UCHL5: variants seen among roughly 807,000 people sequenced by gnomAD.
UCHL5 encodes the protein ubiquitin C-terminal hydrolase L5.
In UCHL5, 34 loss-of-function variants were observed where a neutral mutation model predicts 53.8. The ratio of observed to expected loss-of-function variants is 0.63; its 90% CI spans 0.48 to 0.84. The LOEUF is 0.84. Ranked by LOEUF, UCHL5 falls within the 40% of genes least tolerant of loss-of-function variation. UCHL5 has a pLI of 0.00. For synonymous variants in UCHL5, 111 were observed against 126.3 expected (o/e 0.88, Z 0.81); for missense variants, 290 against 385.6 (o/e 0.75, Z 2.08).
intron 7 of UCHL5, 141 bp downstream of exon 7, chr1:193,027,944 G>T: frequency 1.4e-6 from 2 of 1,481,432 alleles, no homozygotes; most frequent in South Asian, 1.3e-5. Context: ...GCAACATGGT[G>T]AAAACCCGTC....
chr1:193,046,004 C>T (rs568640954), intron 3 of UCHL5, among the ~76,000 whole-genome samples: 21 of 150,324 alleles, frequency 1.4e-4, no homozygotes, highest in Non-Finnish European at 2.8e-4. Flanking sequence ...TATATAAGCA[C>T]AAAAATATTA....
Position 193,023,848 on chromosome 1 carries a change from G to T in UCHL5, c.728C>A (p.Ala243Glu), listed in dbSNP as rs200881380. 7.4e-6 allele frequency: 12 copies of T among 1,610,792 alleles called. No homozygotes were observed. In the Admixed American group the frequency reaches 1.0e-4, roughly 14 times the overall value. ...CTTAGAAACATGGCCACGAACCTCT[G>T]CAAGTTGTCTTTGTAACTCTGCTAT... ...QKIAELQRQL[A>E]EEPMDTDQGN... The change falls in exon 8 of 11, where the codon GCA (alanine) becomes GAA (glutamate). Residue 243 changes from alanine (A) to glutamate (E), a missense_variant. Physicochemically the swap from Ala to Glu is moderately radical, Grantham distance 107. Coordinates refer to ENST00000367454, the MANE Select transcript of UCHL5 (RefSeq NM_001199261.3).
intron 1 of UCHL5, among the ~76,000 whole-genome samples, chr1:193,056,309 G>C (rs1414192631): frequency 1.3e-5 from 2 of 152,024 alleles, no homozygotes; most frequent in Non-Finnish European, 2.9e-5. Context: ...CCAAAAAACA[G>C]CTCTTAGTTT....
At chr1:193,059,608 C>T (rs1443519257), upstream of UCHL5, 3 of 1,437,982 alleles carry the variant, frequency 2.1e-6, no homozygotes, top group East Asian at 3.5e-5. The surrounding 1 kb of genome is among the most constrained non-coding windows in gnomAD (Gnocchi z 4.9). Context: ...AGAAGAGGGG[C>T]AGGACTCGTT....
At chr1:193,019,287 T>C (rs933363507) in intron 10 of UCHL5, among the ~76,000 whole-genome samples, 1 of 151,746 alleles carries the variant, frequency 6.6e-6, no homozygotes, top group Admixed American at 6.6e-5. Flanking sequence ...CTTTCCCAAA[T>C]TGTACCATGA....
chr1:193,016,474 G>GTATT, intron 10 of UCHL5, 79 bp from the exon 11 acceptor site: 2 of 1,312,626 alleles, frequency 1.5e-6, no homozygotes, highest in Non-Finnish European at 2.1e-6. Context: ...GCCTAAGAGG[G>GTATT]TATTCTCAAG....
At chr1:193,048,694 C>T (rs901121159) in intron 3 of UCHL5, among the ~76,000 whole-genome samples, 2 of 152,118 alleles carry the variant, frequency 1.3e-5, no homozygotes, top group Non-Finnish European at 2.9e-5. Flanking sequence ...GAAAACATTG[C>T]AACAGACTGA....
intron 7 of UCHL5, among the ~76,000 whole-genome samples, chr1:193,024,245 A>C (rs1658293704): frequency 6.7e-6 from 1 of 150,198 alleles, no homozygotes; most frequent in Admixed American, 6.6e-5. Flanking sequence ...CTGTCTCTTA[A>C]AAAAAAAAAC....
chr1:193,047,900 TAAAA>T (rs1474290040), intron 3 of UCHL5, among the ~76,000 whole-genome samples: 1 of 152,070 alleles, frequency 6.6e-6, no homozygotes, highest in African/African-American at 2.4e-5. Flanking sequence ...ATAAGAGTTT[TAAAA>T]AAAGAAAACA....
intron 3 of UCHL5, among the ~76,000 whole-genome samples, chr1:193,044,693 T>G (rs1207334998): frequency 1.3e-5 from 2 of 152,142 alleles, no homozygotes; most frequent in Non-Finnish European, 2.9e-5. Flanking sequence ...TTCATTAAAT[T>G]TTTTCAAATT....
chr1:193,050,771 T>C (rs1479382901), intron 2 of UCHL5, among the ~76,000 whole-genome samples: 1 of 149,214 alleles, frequency 6.7e-6, no homozygotes, highest in African/African-American at 2.5e-5. Flanking sequence ...AAAAAAAAGG[T>C]TTCCTATCTT....
chr1:193,018,359 T>A (rs1655600375), intron 10 of UCHL5: 2 of 372,506 alleles, frequency 5.4e-6, no homozygotes, highest in Non-Finnish European at 7.4e-6. Flanking sequence ...TAGACAAAAA[T>A]TTGTTAATCA....
At chr1:193,042,777 AAG>A (rs1280314578) in intron 3 of UCHL5, among the ~76,000 whole-genome samples, 2 of 152,154 alleles carry the variant, frequency 1.3e-5, no homozygotes, top group African/African-American at 4.8e-5. Flanking sequence ...TATTACTCTA[AAG>A]ATAAAGACAA....
At chr1:193,057,036 A>C (rs1211419046) in intron 1 of UCHL5, among the ~76,000 whole-genome samples, 1 of 152,258 alleles carries the variant, frequency 6.6e-6, no homozygotes, top group Non-Finnish European at 1.5e-5. Flanking sequence ...AAACTTACCT[A>C]GTACAACATT....
intron 7 of UCHL5, among the ~76,000 whole-genome samples, chr1:193,024,744 T>A (rs1658509234): frequency 6.6e-6 from 1 of 151,928 alleles, no homozygotes; most frequent in African/African-American, 2.4e-5. Flanking sequence ...CATAACACTA[T>A]GTAAATGGCA....
chr1:193,020,092 C>T (rs1656387410), intron 10 of UCHL5: 1 of 984,704 alleles, frequency 1.0e-6, no homozygotes, highest in Non-Finnish European at 1.2e-6. Context: ...AACAGAAAAA[C>T]CTATAATGGA....
At chr1:193,041,930 C>A (rs994717803) in intron 3 of UCHL5, among the ~76,000 whole-genome samples, 15 of 151,926 alleles carry the variant, frequency 9.9e-5, no homozygotes, top group Non-Finnish European at 1.2e-4. Context: ...TAGAGACCAG[C>A]CTGAGTAACA....
chr1:193,018,732 C>T, intron 10 of UCHL5: 1 of 1,435,356 alleles, frequency 7.0e-7, no homozygotes, highest in Admixed American at 2.6e-5. Context: ...AGAATCTCAG[C>T]ATATAGTAGC....
intron 3 of UCHL5, among the ~76,000 whole-genome samples, chr1:193,038,805 G>T (rs912732891): frequency 6.6e-6 from 1 of 151,990 alleles, no homozygotes; most frequent in Non-Finnish European, 1.5e-5. Flanking sequence ...AGACCAGCTG[G>T]TCAACATAAT....
Sources: gnomAD v4.1 joint callset for allele counts (sites outside exome capture counted in the v4.1 genomes callset) on GRCh38, gnomAD v4.1.1 for gene constraint, Gnocchi (gnomAD v3.1) non-coding constraint, MANE v1.5 for transcripts, NCBI Gene and HGNC (gene_info 2026-07-23, HGNC 2026-07-21) for gene names.